The following NCF2 variants were observed in gnomAD, a reference collection of about 807,000 sequenced individuals.
The protein encoded by NCF2 is neutrophil cytosolic factor 2.
Under a neutral mutation model 70.9 loss-of-function variants are expected in NCF2, and 45 were observed. The observed-to-expected ratio is 0.63, with a 90% CI of 0.50 to 0.81. NCF2 has a LOEUF of 0.81. Among genes scored for constraint, NCF2 ranks in the 40% least tolerant of loss-of-function variants. The pLI, the probability that NCF2 is intolerant of heterozygous loss-of-function variation, is 0.00. For missense variants in NCF2, 522 were observed against 631.6 expected, an observed-to-expected ratio of 0.83 and a Z score of 1.86; for synonymous variants, 203 against 233.6, an observed-to-expected ratio of 0.87 and a Z score of 1.19.
At chr1:183,560,044 T>G (rs993998121) in intron 14 of NCF2, 52 bp downstream of exon 14, 3 of 1,572,604 alleles carry the variant, frequency 1.9e-6, no homozygotes, top group African/African-American at 1.4e-5. Flanking sequence ...GCCCTTGACC[T>G]TGTTTCTGCT....
intron 2 of NCF2, among the ~76,000 whole-genome samples, chr1:183,584,958 G>C (rs919135263): frequency 3.9e-5 from 6 of 152,162 alleles, no homozygotes; most frequent in African/African-American, 1.2e-4. Context: ...GGGGGGAAGA[G>C]AGAGCTAAAT....
chr1:183,578,612 C>T (rs1257384170), intron 2 of NCF2, among the ~76,000 whole-genome samples: 4 of 152,210 alleles, frequency 2.6e-5, no homozygotes, highest in Admixed American at 1.3e-4. Flanking sequence ...CTGATCTGCC[C>T]GCCTTGGCCT....
At chr1:183,570,496 AG>A (rs760777124) in intron 6 of NCF2, among the ~76,000 whole-genome samples, 4 of 152,226 alleles carry the variant, frequency 2.6e-5, no homozygotes, top group Non-Finnish European at 5.9e-5. Context: ...GAGGCTTCAG[AG>A]AGAGGATCAG....
intron 7 of NCF2, among the ~76,000 whole-genome samples, chr1:183,568,640 G>A (rs1672412694): frequency 1.3e-5 from 2 of 150,662 alleles, no homozygotes; most frequent in Admixed American, 1.3e-4. Context: ...TGTGCCGATA[G>A]GGAGTGGAAA....
intron 1 of NCF2, among the ~76,000 whole-genome samples, chr1:183,587,287 A>T (rs1353726458): frequency 2.0e-5 from 3 of 152,180 alleles, no homozygotes; most frequent in African/African-American, 7.2e-5. Context: ...TATGGCCTAG[A>T]AAAGCTACAC....
At position 183,585,548 on chromosome 1, in the gene NCF2, G is replaced by A. The variant is rs36013653; in HGVS notation, c.257+1347C>T. ...GCTGAGGCAAGAGAATTGTTTGAAC[G>A]TGGAAGGCAGAGGTTGCAGTGAGCC... is the stretch of plus-strand genomic sequence containing the variant. On this transcript the variant is annotated intron_variant, in intron 2 of 14. Coordinates refer to ENST00000367535, the MANE Select transcript of NCF2 (RefSeq NM_000433.4). Among the ~76,000 whole-genome samples, 237 of 150,284 alleles carry A rather than the reference G, an allele frequency of 1.6e-3. 1 individual carries two copies. Among genetic ancestry groups the A allele is most frequent in the South Asian group, 5.0e-3 (24 of 4,800 alleles).
chr1:183,573,076 C>T, intron 5 of NCF2, 109 bp downstream of exon 5: 2 of 992,768 alleles, frequency 2.0e-6, no homozygotes, highest in South Asian at 2.6e-5. Context: ...ATTGCCATCC[C>T]AGGGACAGAG....
At position 183,556,549 on chromosome 1, in the gene NCF2, A is replaced by G. The variant is rs1307985134; in HGVS notation, c.1469-319T>C. 3.3e-5 allele frequency among the ~76,000 whole-genome samples: 5 copies of G among 152,120 alleles called. No homozygotes were observed. The South Asian group carries it at 8.3e-4, about 25-fold the overall frequency. ...AATTTCTGTCCTTTCCCCACCCCCA[A>G]CCTTGACAGGGTCTCACTGTCACCC... On this transcript the variant is annotated intron_variant, in intron 14 of 14. Transcript: ENST00000367535.
chr1:183,567,501 C>T (rs756453916), intron 7 of NCF2, 156 bp from the exon 8 acceptor site: 1 of 1,018,422 alleles, frequency 9.8e-7, no homozygotes, highest in East Asian at 2.4e-5. Flanking sequence ...CCTGGGCTCC[C>T]AAGAGGTCTC....
intron 5 of NCF2, among the ~76,000 whole-genome samples, chr1:183,572,823 CA>C (rs1289296888): frequency 6.6e-6 from 1 of 152,010 alleles, no homozygotes; most frequent in African/African-American, 2.4e-5. Flanking sequence ...TTCAGCCTTC[CA>C]AAGCACTGGG....
chr1:183,585,058 T>C (rs1673281537), intron 2 of NCF2, among the ~76,000 whole-genome samples: 1 of 152,240 alleles, frequency 6.6e-6, no homozygotes, highest in Non-Finnish European at 1.5e-5. Flanking sequence ...ACTTCACTTC[T>C]ACTTTCACTT....
At chr1:183,564,799 T>C (rs1471036807) in intron 10 of NCF2, among the ~76,000 whole-genome samples, 1 of 152,240 alleles carries the variant, frequency 6.6e-6, no homozygotes, top group Non-Finnish European at 1.5e-5. Flanking sequence ...ATATGGAATA[T>C]ACATTATATA....
At chr1:183,556,483 G>T (rs949856576) in intron 14 of NCF2, among the ~76,000 whole-genome samples, 5 of 152,132 alleles carry the variant, frequency 3.3e-5, no homozygotes, top group Admixed American at 1.3e-4. Context: ...ACCAGATAGA[G>T]AAGAAGGGTC....
intron 2 of NCF2, among the ~76,000 whole-genome samples, chr1:183,580,333 G>A (rs1320282177): frequency 6.6e-6 from 1 of 152,146 alleles, no homozygotes; most frequent in African/African-American, 2.4e-5. Flanking sequence ...AGAGGAAGAA[G>A]GTACCCAGAA....
upstream of NCF2, among the ~76,000 whole-genome samples, chr1:183,591,482 T>TC (rs1491526033): frequency 1.8e-5 from 2 of 110,412 alleles, no homozygotes; most frequent in East Asian, 4.8e-4. Context: ...CTGAAATAAC[T>TC]TTTTTTTTTT....
chr1:183,566,304 G>A (rs1013907866), intron 9 of NCF2, among the ~76,000 whole-genome samples: 2 of 152,196 alleles, frequency 1.3e-5, no homozygotes, highest in South Asian at 2.1e-4. Context: ...TCTAGGCCTG[G>A]CAGAAGGACA....
At chr1:183,587,104 C>T (rs1456372027) in intron 1 of NCF2, 127 bp from the exon 2 acceptor site, 3 of 863,096 alleles carry the variant, frequency 3.5e-6, no homozygotes, top group Non-Finnish European at 5.9e-6. Flanking sequence ...GTCGGCACCT[C>T]GAGGCCCACC....
Position 183,560,079 on chromosome 1 carries a change from C to A in NCF2, c.1468+17G>T. The A allele has an allele frequency of 1.2e-6, 2 of 1,613,134 alleles. No homozygotes were observed. Among genetic ancestry groups the A allele is most frequent in the African/African-American group, 1.3e-5 (1 of 75,028 alleles). ...TAACATGTAAATTTGTTTCTATAGT[C>A]TTGGAGTAGCACTTACCCTTTGATA... On this transcript the variant is annotated intron_variant, in intron 14 of 14. Coordinates refer to ENST00000367535, the MANE Select transcript of NCF2 (RefSeq NM_000433.4).
chr1:183,591,886 C>T (rs1335326539), upstream of NCF2, among the ~76,000 whole-genome samples: 2 of 152,170 alleles, frequency 1.3e-5, no homozygotes, highest in Non-Finnish European at 2.9e-5. Flanking sequence ...TGACTTCTCC[C>T]ATCTTCCAGT....
Sources: allele counts gnomAD v4.1 joint callset (sites outside exome capture counted in the v4.1 genomes callset), GRCh38; gene constraint gnomAD v4.1.1; transcripts MANE v1.5; gene names NCBI Gene and HGNC (gene_info 2026-07-23, HGNC 2026-07-21).